Variants in MYO9A observed in about 807,000 individuals in gnomAD.
The protein encoded by MYO9A is unconventional myosin-IXa.
MYO9A carries 103 observed loss-of-function variants against 293.3 expected under a neutral mutation model. The ratio of observed to expected loss-of-function variants is 0.35; its 90% confidence interval spans 0.30 to 0.41. The LOEUF (loss-of-function observed/expected upper bound fraction) is 0.41, where lower values mean the gene tolerates loss of function less well. Ranked by LOEUF, MYO9A falls within the 10% of genes least tolerant of loss-of-function variation. The pLI is 1.00. For synonymous variants in MYO9A, 1,001 were observed against 1,035.7 expected, an observed-to-expected ratio of 0.97 and a Z score of 0.64; for missense variants, 2,685 against 3,033.0, an observed-to-expected ratio of 0.89 and a Z score of 2.69.
chr15:71,901,154 C>G lies in MYO9A; in HGVS notation c.3150+37G>C, dbSNP rs753967365. On this transcript the variant is annotated intron_variant, in intron 23 of 41. Transcript: ENST00000356056. Reference sequence around the variant, plus strand: ...GGTTACTAAACAAAGGCCAAATAAACTAGTCAATCTCATGCAAAGAATCCT... The same window carrying G: ...GGTTACTAAACAAAGGCCAAATAAAGTAGTCAATCTCATGCAAAGAATCCT... The G allele has an allele frequency of 5.2e-5, 81 of 1,568,008 alleles. No homozygotes were observed. The Middle Eastern group carries it at 4.4e-3, about 86-fold the overall frequency.
intron 16 of MYO9A, among the ~76,000 whole-genome samples, chr15:71,936,231 G>C (rs1045223955): frequency 6.6e-6 from 1 of 152,018 alleles, no homozygotes; most frequent in South Asian, 2.1e-4. Context: ...GACAAATACT[G>C]CATGACCCCA....
intron 8 of MYO9A, among the ~76,000 whole-genome samples, chr15:72,005,099 A>G (rs1003346467): frequency 6.6e-6 from 1 of 152,178 alleles, no homozygotes; most frequent in Non-Finnish European, 1.5e-5. Flanking sequence ...TAAAGATGGG[A>G]TAGGTATCTT....
chr15:72,077,653 G>A (rs528600301), intron 1 of MYO9A, among the ~76,000 whole-genome samples: 2 of 150,366 alleles, frequency 1.3e-5, no homozygotes, highest in Non-Finnish European at 3.0e-5. Flanking sequence ...GGCGGGGGGC[G>A]GCGCGGGCAG....
At chr15:72,076,703 C>A (rs777602744) in intron 1 of MYO9A, among the ~76,000 whole-genome samples, 47 of 152,158 alleles carry the variant, frequency 3.1e-4, no homozygotes, top group Non-Finnish European at 6.2e-4. Context: ...CAATCTCAAT[C>A]AAAATCCCAG....
chr15:71,878,095 A>G lies in MYO9A; in HGVS notation c.5876T>C (p.Val1959Ala), dbSNP rs1248837807. ...PVRVWVNTFK[V>A]FLDEYMNEFK... ...TTCATTCATATATTCATCTAAAAAC[A>G]CTTTAAAAGTGTTGACCCAAACTCT... Residue 1959 changes from valine (V) to alanine (A), a missense_variant, in exon 31 of 42, where the codon GTG (valine) becomes GCG (alanine). Transcript: ENST00000356056. 1 of 1,611,050 alleles carries G rather than the reference A, an allele frequency of 6.2e-7. No homozygotes were observed. Among genetic ancestry groups the G allele is most frequent in the South Asian group, 1.1e-5 (1 of 90,484 alleles).
chr15:71,889,671 A>T (rs2057122937), intron 26 of MYO9A: 1 of 151,950 alleles, frequency 6.6e-6, no homozygotes, highest in South Asian at 2.1e-4. Flanking sequence ...GATGAAATTG[A>T]TAATTTTATA....
At chr15:71,911,671 T>G (rs762558822) in intron 19 of MYO9A, among the ~76,000 whole-genome samples, 1 of 152,202 alleles carries the variant, frequency 6.6e-6, no homozygotes, top group Admixed American at 6.5e-5. Context: ...CATAGTGCTA[T>G]GAAGTGACCA....
intron 26 of MYO9A, among the ~76,000 whole-genome samples, chr15:71,888,988 G>A (rs1394995375): frequency 3.9e-5 from 6 of 152,034 alleles, no homozygotes; most frequent in Non-Finnish European, 7.4e-5. Context: ...TGAGAGATGG[G>A]AAAAAAGGGA....
At chr15:72,019,277 C>T (rs1390194381) in intron 5 of MYO9A, among the ~76,000 whole-genome samples, 182 bp from the exon 6 acceptor site, 2 of 152,074 alleles carry the variant, frequency 1.3e-5, no homozygotes, top group Non-Finnish European at 2.9e-5. Context: ...ACTGTACTAC[C>T]GAACGCATAT....
intron 14 of MYO9A, among the ~76,000 whole-genome samples, chr15:71,956,324 A>ATATAT (rs1463623990): frequency 5.4e-4 from 6 of 11,196 alleles, no homozygotes; most frequent in South Asian, 4.2e-3. Context: ...AAAAAAAAAA[A>ATATAT]AAAAAAATAT....
At position 71,824,322 on chromosome 15, in the gene MYO9A, CA is replaced by C. The variant is rs1025052672; in HGVS notation, c.*2257del. 23 of 152,080 alleles carry C rather than the reference CA, an allele frequency of 1.5e-4. No individual in the cohort carries two copies. The highest frequency in any genetic ancestry group is 5.5e-4 in the African/African-American group (23 of 41,452). The allele number at this position is 152,080 out of a possible 1,614,324, so 9.4% of individuals were successfully genotyped here. A position where few individuals can be genotyped will look rare whatever the true frequency, so the allele number is the denominator to read the frequency against. Reference sequence around the variant, plus strand: ...CCTACATCAGTCGTTTTTTAACTGCCAAAAAACTTATTTTGCCAAAAAAGCC... The same window carrying C: ...CCTACATCAGTCGTTTTTTAACTGCCAAAAACTTATTTTGCCAAAAAAGCC... On this transcript the variant is annotated 3_prime_UTR_variant, in exon 42 of 42. Coordinates refer to ENST00000356056, the MANE Select transcript of MYO9A (RefSeq NM_006901.4).
chr15:71,967,845 G>A, intron 13 of MYO9A, 139 bp downstream of exon 13: 1 of 834,000 alleles, frequency 1.2e-6, no homozygotes, highest in Non-Finnish European at 1.7e-6. Context: ...CAGAATCTAA[G>A]TTTTAGTAGT....
intron 15 of MYO9A, among the ~76,000 whole-genome samples, chr15:71,942,346 A>G (rs537974343): frequency 6.2e-4 from 94 of 152,116 alleles, no homozygotes; most frequent in Non-Finnish European, 1.2e-3. Context: ...ACTCTTTCCT[A>G]ATATTCTTAA....
intron 2 of MYO9A, 68 bp downstream of exon 2, chr15:72,045,656 G>C (rs2078363961): frequency 6.8e-7 from 1 of 1,471,196 alleles, no homozygotes; most frequent in Admixed American, 2.2e-5. Context: ...TCCAGGAATG[G>C]TACACCCCCC....
chr15:72,019,535 G>C (rs1175456127), intron 5 of MYO9A, among the ~76,000 whole-genome samples: 1 of 152,072 alleles, frequency 6.6e-6, no homozygotes, highest in East Asian at 1.9e-4. Flanking sequence ...AAAAAACTCA[G>C]AAGCTGAATT....
chr15:71,844,048 T>C (rs551389705), intron 39 of MYO9A, among the ~76,000 whole-genome samples: 2 of 152,352 alleles, frequency 1.3e-5, no homozygotes, highest in East Asian at 3.8e-4. Context: ...TATACAAGTT[T>C]ATATGTAAGC....
At position 72,032,491 on chromosome 15, in the gene MYO9A, T is replaced by C; in HGVS notation, c.935+3A>G. On this transcript the variant is annotated splice_donor_region_variant and intron_variant, in intron 3 of 41. Transcript: ENST00000356056. Reference sequence around the variant, plus strand: ...CCTACGCCTGCTAAGTAGCAGTACTTACCCAAGTACAGTGCCTGTTTCCTG... The same window carrying C: ...CCTACGCCTGCTAAGTAGCAGTACTCACCCAAGTACAGTGCCTGTTTCCTG... The C allele has an allele frequency of 1.3e-6, 2 of 1,576,568 alleles. No individual in the cohort carries two copies. Among genetic ancestry groups the C allele is most frequent in the Non-Finnish European group, 1.7e-6 (2 of 1,162,148 alleles).
chr15:71,862,907 T>C (rs1349373470), intron 32 of MYO9A, among the ~76,000 whole-genome samples: 1 of 150,078 alleles, frequency 6.7e-6, no homozygotes, highest in Non-Finnish European at 1.5e-5. Context: ...TCTCAAAGTA[T>C]GTTTTCTTTT....
chr15:71,847,568 C>A, intron 39 of MYO9A: 1 of 367,110 alleles, frequency 2.7e-6, no homozygotes, highest in Non-Finnish European at 6.1e-6. Flanking sequence ...GACTGAATAT[C>A]CATCTTCTGC....
Sources: gnomAD v4.1 joint callset for allele counts (sites outside exome capture counted in the v4.1 genomes callset) on GRCh38, gnomAD v4.1.1 for gene constraint, MANE v1.5 for transcripts, NCBI Gene and HGNC (gene_info 2026-07-23, HGNC 2026-07-21) for gene names.